The following NOD2 variants were observed in gnomAD, a reference collection of about 807,000 sequenced individuals.
NOD2 encodes the protein nucleotide binding oligomerization domain containing 2.
A neutral mutation model predicts 90.9 loss-of-function variants in NOD2; 86 were observed. The ratio of observed to expected loss-of-function variants is 0.95; its 90% CI spans 0.79 to 1.13. The LOEUF is 1.13. Among genes scored for constraint, NOD2 ranks in the 50% most tolerant of loss-of-function variants. The pLI is 0.00. For synonymous variants in NOD2, 581 were observed against 554.6 expected (o/e 1.05, Z -0.67); for missense variants, 1,238 against 1,283.8 (o/e 0.96, Z 0.55).
At chr16:50,702,806 C>T (rs930801214) in intron 2 of NOD2, among the ~76,000 whole-genome samples, 1 of 152,190 alleles carries the variant, frequency 6.6e-6, no homozygotes, top group Non-Finnish European at 1.5e-5. Context: ...ATCTGGGAAG[C>T]GGCCCAGCTA....
chr16:50,700,170 C>T (rs1963875624), intron 2 of NOD2, among the ~76,000 whole-genome samples: 1 of 152,192 alleles, frequency 6.6e-6, no homozygotes, highest in Non-Finnish European at 1.5e-5. Context: ...ACTCTGTTAC[C>T]CTGGCTAGAA....
chr16:50,710,257 T>G (rs956620208), intron 3 of NOD2, among the ~76,000 whole-genome samples: 2 of 152,256 alleles, frequency 1.3e-5, no homozygotes, highest in African/African-American at 4.8e-5. Context: ...GCACTTACTT[T>G]GTGTTGAGCA....
chr16:50,725,658 C>T (rs34810706), intron 10 of NOD2, 86 bp downstream of exon 10: 27 of 1,022,444 alleles, frequency 2.6e-5, no homozygotes, highest in African/African-American at 2.0e-4. Flanking sequence ...CCGCTCTCCG[C>T]TGGGCTAACT....
chr16:50,706,347 G>T (rs1333890151), intron 2 of NOD2, among the ~76,000 whole-genome samples: 1 of 152,182 alleles, frequency 6.6e-6, no homozygotes. Flanking sequence ...AAATAGGGAC[G>T]CTATTGGGAC....
At chr16:50,704,324 G>T (rs1435997196) in intron 2 of NOD2, among the ~76,000 whole-genome samples, 1 of 152,024 alleles carries the variant, frequency 6.6e-6, no homozygotes, top group Non-Finnish European at 1.5e-5. Flanking sequence ...ACTACATTTT[G>T]CTAGACCGTA....
At chr16:50,700,750 A>G (rs991615443) in intron 2 of NOD2, among the ~76,000 whole-genome samples, 5 of 152,210 alleles carry the variant, frequency 3.3e-5, no homozygotes, top group African/African-American at 1.2e-4. Context: ...TCTGTTTTAA[A>G]TTAACAGCAC....
rs757895989 is a variant in NOD2, at chr16:50,711,868, G to A, written c.1876G>A (p.Glu626Lys). 1.2e-6 allele frequency: 2 copies of A among 1,611,332 alleles called. No individual in the cohort carries two copies. The highest frequency in any genetic ancestry group is 1.7e-6 in the Non-Finnish European group (2 of 1,177,726). The change falls in exon 4 of 12, where the codon GAG (glutamate) becomes AAG (lysine). Residue 626 changes from glutamate to lysine, a missense_variant. Coordinates refer to ENST00000647318, the MANE Select transcript of NOD2 (RefSeq NM_001370466.1). ...LLPTMCIQAS[E>K]GKDSSVAALL... ...GCCCACGATGTGCATCCAGGCCTCG[G>A]AGGGAAAGGACAGCAGCGTGGCAGC...
chr16:50,723,524 T>G (rs1414491721), intron 9 of NOD2, 140 bp downstream of exon 9: 1 of 773,250 alleles, frequency 1.3e-6, no homozygotes, highest in African/African-American at 1.7e-5. Flanking sequence ...TGTGTTTGTC[T>G]TTATATGTAC....
intron 5 of NOD2, 90 bp from the exon 6 acceptor site, chr16:50,716,801 C>A: frequency 6.8e-7 from 1 of 1,480,976 alleles, no homozygotes; most frequent in African/African-American, 1.4e-5. Flanking sequence ...CAGGTGATTC[C>A]TGCCCAGAGG....
At chr16:50,721,915 G>T (rs1196785613) in intron 7 of NOD2, among the ~76,000 whole-genome samples, 1 of 152,188 alleles carries the variant, frequency 6.6e-6, no homozygotes, top group Non-Finnish European at 1.5e-5. Context: ...GGGGCACAGA[G>T]CAGTGCTGGC....
intron 10 of NOD2, among the ~76,000 whole-genome samples, chr16:50,727,116 G>T (rs1273497573): frequency 7.1e-6 from 1 of 141,124 alleles, no homozygotes; most frequent in Non-Finnish European, 1.5e-5. Context: ...CCCTAGACTG[G>T]ACAAGAGAGA....
At chr16:50,727,890 G>T in intron 10 of NOD2, 3 of 307,386 alleles carry the variant, frequency 9.8e-6, no homozygotes, top group South Asian at 6.2e-5. Context: ...CAGTGACCAT[G>T]ACCTTTTTTT....
chr16:50,709,534 C>T (rs1294567730), intron 3 of NOD2, among the ~76,000 whole-genome samples: 1 of 152,198 alleles, frequency 6.6e-6, no homozygotes, highest in Non-Finnish European at 1.5e-5. Flanking sequence ...TCCAAACACA[C>T]CCCGTGCATG....
intron 4 of NOD2, among the ~76,000 whole-genome samples, chr16:50,713,963 G>A (rs73575756): frequency 0.038 from 5,756 of 152,232 alleles, 334 homozygotes; most frequent in African/African-American, 0.12. Flanking sequence ...CCAGGCAAAT[G>A]GAAAACAGCC....
chr16:50,696,784 G>A (rs1332863970), intron 1 of NOD2, among the ~76,000 whole-genome samples: 7 of 152,246 alleles, frequency 4.6e-5, no homozygotes, highest in African/African-American at 1.7e-4. Flanking sequence ...CCAGGGCAGA[G>A]GTGTGGTGAT....
At chr16:50,727,556 G>GCATCCTCC (rs578242082) in intron 10 of NOD2, 243 of 279,936 alleles carry the variant, frequency 8.7e-4, no homozygotes, top group Admixed American at 2.4e-3. Flanking sequence ...AGCATTTTCT[G>GCATCCTCC]CATCCTCCTG....
chr16:50,697,545 C>T (rs1235960222), intron 1 of NOD2: 7 of 621,482 alleles, frequency 1.1e-5, no homozygotes, highest in African/African-American at 1.1e-4. Flanking sequence ...GAGAACCACT[C>T]CAGGGCCAAG....
chr16:50,701,008 T>C (rs1963917557), intron 2 of NOD2, among the ~76,000 whole-genome samples: 2 of 152,314 alleles, frequency 1.3e-5, no homozygotes, highest in South Asian at 4.1e-4. Context: ...TTCTTAGGGC[T>C]CCTGAGAGGC....
At chr16:50,698,909 ATC>A (rs950494372) in intron 1 of NOD2, among the ~76,000 whole-genome samples, 1,676 of 147,302 alleles carry the variant, frequency 0.011, 40 homozygotes, top group African/African-American at 0.039. Flanking sequence ...TGTTTGGAAG[ATC>A]TCTCTCTCTC....
Sources: gnomAD v4.1 joint callset for allele counts (sites outside exome capture counted in the v4.1 genomes callset) on GRCh38, gnomAD v4.1.1 for gene constraint, MANE v1.5 for transcripts, NCBI Gene and HGNC (gene_info 2026-07-23, HGNC 2026-07-21) for gene names.